The following MTHFD1L variants were observed in gnomAD, a reference collection of about 807,000 sequenced individuals.
MTHFD1L encodes the protein methylenetetrahydrofolate dehydrogenase (NADP+ dependent) 1 like, also known as monofunctional C1-tetrahydrofolate synthase, mitochondrial.
MTHFD1L carries 81 observed loss-of-function variants against 119.5 expected under a neutral mutation model. The observed-to-expected ratio is 0.68, with a 90% CI of 0.57 to 0.82. MTHFD1L has a LOEUF of 0.82. MTHFD1L is among the 40% of genes least tolerant of loss of function. The pLI is 0.00. For synonymous variants in MTHFD1L, 430 were observed against 475.2 expected (o/e 0.90, Z 1.24); for missense variants, 1,125 against 1,253.4 (o/e 0.90, Z 1.55).
At chr6:151,091,565 G>A (rs970052825) in intron 26 of MTHFD1L, among the ~76,000 whole-genome samples, 7 of 152,100 alleles carry the variant, frequency 4.6e-5, no homozygotes, top group African/African-American at 1.7e-4. Flanking sequence ...CCACTAACTA[G>A]CCATGTGTCC....
At chr6:150,876,215 C>T in intron 2 of MTHFD1L, 41 bp downstream of exon 2, 1 of 1,415,890 alleles carries the variant, frequency 7.1e-7, no homozygotes, top group Non-Finnish European at 9.5e-7. Context: ...TTTTAGGATG[C>T]CTTTCAATTT....
intron 24 of MTHFD1L, among the ~76,000 whole-genome samples, chr6:151,026,095 C>T (rs1330823125): frequency 6.6e-6 from 1 of 152,114 alleles, no homozygotes; most frequent in African/African-American, 2.4e-5. Context: ...TTTTATTCCA[C>T]TAAAAAACAG....
rs4869700 is a variant in MTHFD1L at position 150,926,892 on chromosome 6, T to C, written c.1256+597T>C. ...TTCCCCTTCTTTTTAAAAAAAGAAG[T>C]ACATTCACTAGCTGAAAAGATGATA... On this transcript the variant is annotated intron_variant, in intron 11 of 27. Transcript: ENST00000367321. This position sits in a 1 kb window ranked among gnomAD's most constrained non-coding sequence, Gnocchi z 4.3. 0.2 allele frequency among the ~76,000 whole-genome samples: 30,865 copies of C among 152,050 alleles called. 3,328 individuals are homozygous for C. The highest frequency in any genetic ancestry group is 0.3 in the Admixed American group (4,601 of 15,246).
chr6:150,980,847 C>T (rs757514648), intron 20 of MTHFD1L, among the ~76,000 whole-genome samples: 12 of 152,008 alleles, frequency 7.9e-5, no homozygotes, highest in Non-Finnish European at 1.6e-4. Context: ...GAGTGATTAT[C>T]GTTTCCGGGT....
At position 150,963,799 on chromosome 6, in the gene MTHFD1L, C is replaced by T. The variant is rs188404556; in HGVS notation, c.1945-1170C>T. 2.0e-4 allele frequency among the ~76,000 whole-genome samples: 31 copies of T among 152,272 alleles called. 1 individual carries two copies. In the South Asian group the frequency reaches 5.0e-3, roughly 24 times the overall value. On this transcript the variant is annotated intron_variant, in intron 18 of 27. Transcript: ENST00000367321. ...TTACAAGCATTTGCTTATGTTATAG[C>T]CTTCCAATAACTAATATGTTGAAAA...
chr6:150,955,388 C>T (rs1358101247), intron 16 of MTHFD1L, among the ~76,000 whole-genome samples: 1 of 152,038 alleles, frequency 6.6e-6, no homozygotes, highest in African/African-American at 2.4e-5. Flanking sequence ...GTCGCTTCCT[C>T]CTTTTGACTA....
chr6:151,072,855 T>A (rs953525473), intron 26 of MTHFD1L, among the ~76,000 whole-genome samples: 2 of 152,092 alleles, frequency 1.3e-5, no homozygotes, highest in Non-Finnish European at 2.9e-5. Flanking sequence ...TGATACATAA[T>A]GTTATGTTAA....
Position 150,926,740 on chromosome 6 carries a change from C to A in MTHFD1L, c.1256+445C>A, listed in dbSNP as rs1019106357. On this transcript the variant is annotated intron_variant, in intron 11 of 27. Transcript: ENST00000367321. This position sits in a 1 kb window ranked among gnomAD's most constrained non-coding sequence, Gnocchi z 4.3. ...ATATCCTTGATCTTACCTACATATTCACATTTCAAAAGCTCATTATTTCCC... is the reference window on the plus strand; with the variant it reads ...ATATCCTTGATCTTACCTACATATTAACATTTCAAAAGCTCATTATTTCCC... Among the ~76,000 whole-genome samples the A allele has an allele frequency of 5.9e-5, 9 of 152,142 alleles. No homozygotes were observed. Among genetic ancestry groups the A allele is most frequent in the Non-Finnish European group, 8.8e-5 (6 of 68,028 alleles).
intron 23 of MTHFD1L, 90 bp from the exon 24 acceptor site, chr6:151,015,426 G>A: frequency 8.7e-6 from 12 of 1,383,124 alleles, no homozygotes; most frequent in Non-Finnish European, 1.1e-5. Context: ...TCAGTGTTAG[G>A]GAGCGAAGTT....
At chr6:150,935,291 G>T in intron 11 of MTHFD1L, 1 of 1,611,928 alleles carries the variant, frequency 6.2e-7, no homozygotes, top group Non-Finnish European at 8.5e-7. Flanking sequence ...CGAAAGGATG[G>T]AAGAAGCCAA....
chr6:150,962,770 T>C lies in MTHFD1L; in HGVS notation c.1945-2199T>C, dbSNP rs182418357. Among the ~76,000 whole-genome samples, 211 of 152,236 alleles carry C rather than the reference T, an allele frequency of 1.4e-3. 2 individuals carry two copies. The highest frequency in any genetic ancestry group is 4.8e-3 in the African/African-American group (198 of 41,536). Reference sequence around the variant, plus strand: ...TCCTCCTTTAGTGTTTTGAATCAGTTTATTTGGTTGGGAAGTGTAAGCAAG... The same window carrying C: ...TCCTCCTTTAGTGTTTTGAATCAGTCTATTTGGTTGGGAAGTGTAAGCAAG... On this transcript the variant is annotated intron_variant, in intron 18 of 27. Transcript: ENST00000367321.
rs551014245 is a variant in MTHFD1L, at chr6:151,101,158, C to A, written c.*32-368C>A. 2.0e-5 allele frequency among the ~76,000 whole-genome samples: 3 copies of A among 152,034 alleles called. No individual in the cohort carries two copies. The East Asian group carries it at 5.8e-4, about 29-fold the overall frequency. On this transcript the variant is annotated intron_variant, in intron 27 of 27. Transcript: ENST00000367321. Reference sequence around the variant, plus strand: ...TGGGCGACAAAGTGAGACTCTGTCTCAAAAAATTAAAAAAAAATTTTTTTA... The same window carrying A: ...TGGGCGACAAAGTGAGACTCTGTCTAAAAAAATTAAAAAAAAATTTTTTTA...
intron 26 of MTHFD1L, among the ~76,000 whole-genome samples, chr6:151,087,381 C>G (rs951738525): frequency 6.6e-6 from 1 of 152,082 alleles, no homozygotes; most frequent in Non-Finnish European, 1.5e-5. Context: ...AGCCATCCAT[C>G]AGAGAAGGAA....
chr6:151,029,798 A>G lies in MTHFD1L; in HGVS notation c.2587-4695A>G, dbSNP rs1393526646. On this transcript the variant is annotated intron_variant, in intron 24 of 27. Coordinates refer to ENST00000367321, the MANE Select transcript of MTHFD1L (RefSeq NM_015440.5). Reference sequence around the variant, plus strand: ...GTGACAGAGTGAGTCTCTGTATAAAAAAAATTTTTTTAAATAACAACTCAG... The same window carrying G: ...GTGACAGAGTGAGTCTCTGTATAAAGAAAATTTTTTTAAATAACAACTCAG... 2.0e-5 allele frequency among the ~76,000 whole-genome samples: 3 copies of G among 152,340 alleles called. No homozygotes were observed. In the East Asian group the frequency reaches 5.8e-4, roughly 29 times the overall value.
intron 24 of MTHFD1L, among the ~76,000 whole-genome samples, chr6:151,019,868 C>T (rs892459295): frequency 3.9e-5 from 6 of 152,116 alleles, no homozygotes; most frequent in African/African-American, 1.4e-4. Context: ...CTTCTTTGCC[C>T]CGGATTTCTT....
At chr6:150,968,902 G>A (rs1221583390) in intron 19 of MTHFD1L, among the ~76,000 whole-genome samples, 1 of 143,262 alleles carries the variant, frequency 7.0e-6, no homozygotes, top group Non-Finnish European at 1.5e-5. Context: ...AGGCTGGAGT[G>A]CAATGGTGTG....
chr6:151,097,471 G>T (rs1211411147), intron 27 of MTHFD1L, among the ~76,000 whole-genome samples: 1 of 152,166 alleles, frequency 6.6e-6, no homozygotes, highest in African/African-American at 2.4e-5. Flanking sequence ...GATGGAAGTG[G>T]AAGTTATTAT....
intron 24 of MTHFD1L, among the ~76,000 whole-genome samples, chr6:151,019,601 C>T (rs1783661908): frequency 6.6e-6 from 1 of 152,206 alleles, no homozygotes; most frequent in South Asian, 2.1e-4. Flanking sequence ...TTTGCCAACA[C>T]ACTTCTCGCT....
intron 23 of MTHFD1L, among the ~76,000 whole-genome samples, chr6:151,015,206 CT>C (rs58646889): frequency 0.041 from 3,143 of 76,896 alleles, 46 homozygotes; most frequent in Admixed American, 0.11. Context: ...ATCTCCTTGG[CT>C]TTTTTTTTTT....
Sources: allele counts gnomAD v4.1 joint callset (sites outside exome capture counted in the v4.1 genomes callset), GRCh38; gene constraint gnomAD v4.1.1; non-coding constraint Gnocchi (gnomAD v3.1); transcripts MANE v1.5; gene names NCBI Gene and HGNC (gene_info 2026-07-23, HGNC 2026-07-21).